Variants in ANKRD36C observed in about 807,000 individuals in gnomAD.
ANKRD36C encodes ankyrin repeat domain 36C.
In ANKRD36C, 61 loss-of-function variants were observed where a neutral mutation model predicts 276.4. That is an observed-to-expected ratio of 0.22 (90% confidence interval 0.18 to 0.27). ANKRD36C has a LOEUF of 0.27. ANKRD36C is among the 10% of genes least tolerant of loss of function. ANKRD36C has a pLI of 1.00. For synonymous variants in ANKRD36C, 483 were observed against 680.1 expected, an observed-to-expected ratio of 0.71 and a Z score of 4.51; for missense variants, 1,447 against 2,032.3, an observed-to-expected ratio of 0.71 and a Z score of 5.54.
At chr2:95,857,520 T>C (rs1177933051) in intron 61 of ANKRD36C, 28 bp from the exon 82 acceptor site, 19 of 1,537,542 alleles carry the variant, frequency 1.2e-5, no homozygotes, top group Non-Finnish European at 1.4e-5. Flanking sequence ...TTAGAATTTA[T>C]CTTATCAGTG....
intron 16 of ANKRD36C, among the ~76,000 whole-genome samples, chr2:95,949,088 G>A (rs979946436): frequency 1.3e-5 from 2 of 152,054 alleles, no homozygotes; most frequent in African/African-American, 4.8e-5. Context: ...GGGAGTCTTA[G>A]ATCTTCAGCA....
At chr2:95,918,181 G>A (rs1677160477) in intron 34 of ANKRD36C, 139 bp from the exon 37 acceptor site, 1 of 1,387,234 alleles carries the variant, frequency 7.2e-7, no homozygotes. Flanking sequence ...TTGTGTCTTG[G>A]GACTGGAACA....
At position 95,911,681 on chromosome 2, in the gene ANKRD36C, T is replaced by C. The variant is rs571740908; in HGVS notation, c.2653+563A>G. Among the ~76,000 whole-genome samples, 27 of 151,636 alleles carry C rather than the reference T, an allele frequency of 1.8e-4. 1 individual carries two copies. Among genetic ancestry groups the C allele is most frequent in the African/African-American group, 6.5e-4 (27 of 41,480 alleles). On this transcript the variant is annotated intron_variant, in intron 42 of 66. Coordinates refer to ENST00000456556, the Ensembl canonical transcript of ANKRD36C. The stretch of plus-strand genomic sequence containing the variant: ...AGCTGCCAAAAACAATTACTGTTTA[T>C]GCAAATGTTCCAAATGCATCTGAAG...
Position 95,916,179 on chromosome 2 carries a change from G to C in ANKRD36C, c.2348-8C>G, listed in dbSNP as rs762754656. ...GTTTTTTCCGAGAAGACACTGAAAA[G>C]CAAAAGGGACACGTAATCACTCACT... On this transcript the variant is annotated splice_polypyrimidine_tract_variant and splice_region_variant and intron_variant, in intron 36 of 66. Transcript: ENST00000456556. 44 of 1,604,156 alleles carry C rather than the reference G, an allele frequency of 2.7e-5. No homozygotes were observed. In the Admixed American group the frequency reaches 4.5e-4, roughly 16 times the overall value.
At chr2:95,980,896 T>A in intron 4 of ANKRD36C, 111 bp from the exon 5 acceptor site, 1 of 1,408,078 alleles carries the variant, frequency 7.1e-7, no homozygotes, top group Non-Finnish European at 9.4e-7. Context: ...CCCAATTACA[T>A]GTACTAAGAA....
At chr2:95,928,822 T>C (rs1203555830) in intron 26 of ANKRD36C, among the ~76,000 whole-genome samples, 2 of 151,556 alleles carry the variant, frequency 1.3e-5, no homozygotes, top group African/African-American at 2.4e-5. Flanking sequence ...GAGCCTGGTA[T>C]GTGTTGAACT....
At chr2:95,939,529 C>G (rs369094139) in intron 20 of ANKRD36C, among the ~76,000 whole-genome samples, 5,103 of 97,592 alleles carry the variant, frequency 0.052, no homozygotes, top group African/African-American at 0.096. Flanking sequence ...CACGGTGAAA[C>G]CCCGTCTCTA....
At chr2:95,915,848 T>A (rs1384903496) in intron 38 of ANKRD36C, 132 bp downstream of exon 40, 1 of 1,290,038 alleles carries the variant, frequency 7.8e-7, no homozygotes, top group Non-Finnish European at 1.1e-6. Context: ...CCCAAGAACT[T>A]ATTAGAAATG....
intron 58 of ANKRD36C, among the ~76,000 whole-genome samples, chr2:95,879,009 G>A (rs548925600): frequency 2.6e-5 from 4 of 152,162 alleles, no homozygotes; most frequent in Non-Finnish European, 5.9e-5. Flanking sequence ...AATCTGTCCT[G>A]ACATGTTTAT....
chr2:95,913,221 A>G (rs1244050172), intron 40 of ANKRD36C, among the ~76,000 whole-genome samples: 1 of 149,572 alleles, frequency 6.7e-6, no homozygotes, highest in Non-Finnish European at 1.5e-5. Flanking sequence ...AATCACTGCA[A>G]TATTCATTGA....
At chr2:95,916,624 G>A (rs1253429857) in intron 36 of ANKRD36C, among the ~76,000 whole-genome samples, 3 of 151,584 alleles carry the variant, frequency 2.0e-5, no homozygotes, top group Non-Finnish European at 3.0e-5. Context: ...TAACTGAGAA[G>A]GCACACAATT....
chr2:95,893,238 C>A (rs1676428825), intron 44 of ANKRD36C, among the ~76,000 whole-genome samples: 1 of 151,230 alleles, frequency 6.6e-6, no homozygotes, highest in African/African-American at 2.4e-5. Context: ...TTACTGAAAA[C>A]AAGCTGGAGA....
At chr2:95,880,620 T>C (rs1676055354) in exon 57 of ANKRD36C, 1 of 1,518,014 alleles carries the variant, frequency 6.6e-7, no homozygotes, top group African/African-American at 1.4e-5. Flanking sequence ...ATTCTCAGGA[T>C]ACTCTAACAA....
intron 22 of ANKRD36C, among the ~76,000 whole-genome samples, chr2:95,938,469 G>A (rs1677779068): frequency 1.3e-5 from 2 of 152,114 alleles, no homozygotes; most frequent in African/African-American, 4.8e-5. Flanking sequence ...TGTAATGTCA[G>A]CAGGTATAGC....
chr2:95,912,954 G>A (rs1676979075), intron 40 of ANKRD36C, among the ~76,000 whole-genome samples: 1 of 151,038 alleles, frequency 6.6e-6, no homozygotes, highest in African/African-American at 2.4e-5. Context: ...GAAGTGTCCT[G>A]AATTGATCAC....
rs1675875932 is a variant in ANKRD36C at position 95,873,890 on chromosome 2, A to G, written c.3540+2549T>C. ...GCATTCTTATACACCAATAACAGAC[A>G]AACACAGAGCCAAATCATGAGTGAA... On this transcript the variant is annotated intron_variant, in intron 59 of 66. Coordinates refer to ENST00000456556, the Ensembl canonical transcript of ANKRD36C. Among the ~76,000 whole-genome samples the G allele has an allele frequency of 2.6e-5, 4 of 152,368 alleles. 1 individual carries two copies. In the South Asian group the frequency reaches 8.3e-4, roughly 32 times the overall value.
rs1391386008 is a variant in ANKRD36C at position 95,981,716 on chromosome 2, C to A, written c.593+540G>T. Among the ~76,000 whole-genome samples the A allele has an allele frequency of 2.6e-5, 4 of 151,670 alleles. No homozygotes were observed. In the East Asian group the frequency reaches 5.8e-4, roughly 22 times the overall value. On this transcript the variant is annotated intron_variant, in intron 4 of 66. Coordinates refer to ENST00000456556, the Ensembl canonical transcript of ANKRD36C. ...CATACTTGGTGATAAGTAATGTTAC[C>A]AAGGTCACACATCTAGCAAGTGGGA...
intron 59 of ANKRD36C, among the ~76,000 whole-genome samples, chr2:95,868,414 G>GT (rs938060349): frequency 2.5e-4 from 38 of 152,176 alleles, no homozygotes; most frequent in Middle Eastern, 3.4e-3. Flanking sequence ...CGGTGTTTTG[G>GT]TTTTTTGTCA....
intron 1 of ANKRD36C, among the ~76,000 whole-genome samples, chr2:95,987,605 CTTTTTTTTTT>C (rs35536038): frequency 1.1e-5 from 1 of 87,484 alleles, no homozygotes; most frequent in African/African-American, 4.6e-5. Flanking sequence ...CTTACAAAGA[CTTTTTTTTTT>C]TTTTTTTTTT....
Sources: allele counts gnomAD v4.1 joint callset (sites outside exome capture counted in the v4.1 genomes callset), GRCh38; gene constraint gnomAD v4.1.1; transcripts MANE v1.5; gene names NCBI Gene and HGNC (gene_info 2026-07-23, HGNC 2026-07-21).